The following AKAP11 variants were observed in gnomAD, a reference collection of about 807,000 sequenced individuals.
AKAP11 encodes the protein A-kinase anchoring protein 11, also known as A-kinase anchor protein 11.
A neutral mutation model predicts 146.1 loss-of-function variants in AKAP11; 36 were observed. The ratio of observed to expected loss-of-function variants is 0.25; its 90% CI spans 0.19 to 0.33. The LOEUF (loss-of-function observed/expected upper bound fraction) is 0.33. AKAP11 is among the 10% of genes least tolerant of loss of function. The pLI, the probability that AKAP11 is intolerant of heterozygous loss-of-function variation, is 1.00. For synonymous variants in AKAP11, 780 were observed against 786.5 expected (o/e 0.99, Z 0.14); for missense variants, 2,201 against 2,197.0 (o/e 1.00, Z -0.04).
intron 1 of AKAP11, among the ~76,000 whole-genome samples, chr13:42,282,719 T>C (rs1959090565): frequency 6.6e-6 from 1 of 152,230 alleles, no homozygotes; most frequent in Non-Finnish European, 1.5e-5. Flanking sequence ...TTCATTTGTT[T>C]AGTGATAGTT....
rs1317165676 is a variant in AKAP11, at chr13:42,300,509, C to T, written c.1763C>T (p.Thr588Ile). 1 of 1,613,990 alleles carries T rather than the reference C, an allele frequency of 6.2e-7. No homozygotes were observed. The highest frequency in any genetic ancestry group is 8.5e-7 in the Non-Finnish European group (1 of 1,179,990). ...NALYHLAIKL[T>I]SSVLQMAFDE... The stretch of plus-strand genomic sequence containing the variant: ...TTGTACCACTTAGCCATCAAATTGA[C>T]ATCATCTGTTTTGCAGATGGCATTT... Residue 588 changes from threonine to isoleucine, a missense_variant, in exon 8 of 13, where the codon ACA (threonine) becomes ATA (isoleucine). Thr to Ile is a moderately conservative substitution (Grantham distance 89, BLOSUM62 -1). This residue lies in a region of AKAP11 where 1,867 missense variants were observed against 1,833.5 expected (regional missense o/e 1.02). Coordinates refer to ENST00000025301, the MANE Select transcript of AKAP11 (RefSeq NM_016248.4).
intron 3 of AKAP11, among the ~76,000 whole-genome samples, chr13:42,287,924 A>G (rs1003550635): frequency 1.3e-5 from 2 of 152,206 alleles, no homozygotes; most frequent in Admixed American, 6.5e-5. Flanking sequence ...ATTTCATACT[A>G]TTATTACCAG....
chr13:42,276,592 C>T (rs150136409), intron 1 of AKAP11, among the ~76,000 whole-genome samples: 290 of 152,240 alleles, frequency 1.9e-3, no homozygotes, highest in African/African-American at 6.8e-3. Context: ...TTCCAGTTAC[C>T]TTCTAATTTG....
At chr13:42,279,255 G>T (rs1262088842) in intron 1 of AKAP11, among the ~76,000 whole-genome samples, 1 of 130,936 alleles carries the variant, frequency 7.6e-6, no homozygotes, top group African/African-American at 2.9e-5. Flanking sequence ...GTGCACGCAC[G>T]TGCACACCCA....
chr13:42,300,000 TA>T lies in AKAP11; in HGVS notation c.1257del (p.Lys419AsnfsTer19), dbSNP rs776103793. ...PANVRKPTPR[K>X]PESPYGNLCD... is the part of the protein sequence containing the mutation. ...CTAATGTTAGAAAGCCAACTCCTCG[TA>T]AACCAGAATCTCCATATGGTAACCT... is the stretch of plus-strand genomic sequence containing the variant. On this transcript the variant is annotated frameshift_variant, in exon 8 of 13. Transcript: ENST00000025301. LOFTEE classifies it high-confidence loss of function. 1.2e-6 allele frequency: 2 copies of T among 1,613,986 alleles called. No homozygotes were observed.
chr13:42,286,472 G>C, intron 3 of AKAP11, 73 bp downstream of exon 3: 2 of 1,109,598 alleles, frequency 1.8e-6, no homozygotes, highest in Non-Finnish European at 2.6e-6. Context: ...AAGTCCTACA[G>C]CTATGATGTT....
intron 11 of AKAP11, among the ~76,000 whole-genome samples, chr13:42,314,667 C>A (rs191361438): frequency 6.6e-6 from 1 of 152,136 alleles, no homozygotes; most frequent in Non-Finnish European, 1.5e-5. Flanking sequence ...GTCAAACTTA[C>A]GTGAGTCAGT....
intron 1 of AKAP11, among the ~76,000 whole-genome samples, chr13:42,279,364 A>G (rs181313084): frequency 6.6e-6 from 1 of 152,314 alleles, no homozygotes; most frequent in East Asian, 1.9e-4. Flanking sequence ...TGGTGCTTAA[A>G]AAGTCACTTA....
intron 8 of AKAP11, among the ~76,000 whole-genome samples, chr13:42,306,169 C>G (rs936587379): frequency 2.6e-5 from 4 of 152,210 alleles, no homozygotes; most frequent in African/African-American, 9.7e-5. Context: ...ATACCAGTTC[C>G]TAGTATGATA....
chr13:42,287,488 G>A (rs554006342), intron 3 of AKAP11, among the ~76,000 whole-genome samples: 6 of 152,098 alleles, frequency 3.9e-5, no homozygotes, highest in Admixed American at 2.0e-4. Flanking sequence ...GTTTCACCGT[G>A]TTAGCCAGGA....
At chr13:42,283,815 A>G (rs577989529) in intron 1 of AKAP11, among the ~76,000 whole-genome samples, 19 of 152,206 alleles carry the variant, frequency 1.2e-4, no homozygotes, top group Admixed American at 4.6e-4. Flanking sequence ...AGACTCAGAG[A>G]AAGTGATGTA....
Position 42,299,938 on chromosome 13 carries a change from C to T in AKAP11, c.1192C>T (p.Pro398Ser). Residue 398 changes from proline to serine, a missense_variant, in exon 8 of 13, where the codon CCT becomes TCT. By Grantham distance (74) the Pro-to-Ser change is moderately conservative. Coordinates refer to ENST00000025301, the MANE Select transcript of AKAP11 (RefSeq NM_016248.4). ...CAAACATGGAAAGTCATGTATGAATCCTCAAAAATTCAAGTTTGATCGTCC... is the reference window on the plus strand; with the variant it reads ...CAAACATGGAAAGTCATGTATGAATTCTCAAAAATTCAAGTTTGATCGTCC... ...GHKHGKSCMN[P>S]QKFKFDRPAL... 1 of 1,613,942 alleles carries T rather than the reference C, an allele frequency of 6.2e-7. No homozygotes were observed. Among genetic ancestry groups the T allele is most frequent in the South Asian group, 1.1e-5 (1 of 91,078 alleles).
chr13:42,283,144 C>T (rs1449509), intron 1 of AKAP11, among the ~76,000 whole-genome samples: 18,772 of 152,140 alleles, frequency 0.12, 1,306 homozygotes, highest in South Asian at 0.17. Flanking sequence ...GTCATATCAT[C>T]TCATATTGGA....
intron 12 of AKAP11, among the ~76,000 whole-genome samples, chr13:42,318,557 G>GTATT (rs139227982): frequency 0.071 from 10,749 of 152,004 alleles, 506 homozygotes; most frequent in Non-Finnish European, 0.1. Context: ...ATTTAAACCT[G>GTATT]TATTTATTTA....
chr13:42,314,896 T>C (rs1431634425), intron 11 of AKAP11, among the ~76,000 whole-genome samples: 1 of 152,188 alleles, frequency 6.6e-6, no homozygotes, highest in African/African-American at 2.4e-5. Flanking sequence ...TTAGAGTATC[T>C]GAGTTTATTC....
chr13:42,303,782 A>T lies in AKAP11; in HGVS notation c.5036A>T (p.Gln1679Leu). The T allele has an allele frequency of 6.2e-7, 1 of 1,613,726 alleles. No individual in the cohort carries two copies. Among genetic ancestry groups the T allele is most frequent in the African/African-American group, 1.3e-5 (1 of 75,044 alleles). Reference sequence around the variant, plus strand: ...CTGGCAGCCGACAGTGGGATCGGACAGGAGGGTGCCAGCTTTGCTGAAAGC... The same window carrying T: ...CTGGCAGCCGACAGTGGGATCGGACTGGAGGGTGCCAGCTTTGCTGAAAGC... ...TSLAADSGIG[Q>L]EGASFAESLA... is the part of the protein sequence containing the mutation. Residue 1679 changes from glutamine (Q) to leucine (L), a missense_variant, in exon 8 of 13, where the codon CAG becomes CTG. Gln to Leu is a moderately radical substitution (Grantham distance 113). Around this residue, in one of 3 missense-constraint regions of AKAP11, gnomAD observed 1,867 missense variants for 1,833.5 expected, o/e 1.02. Coordinates refer to ENST00000025301, the MANE Select transcript of AKAP11 (RefSeq NM_016248.4).
chr13:42,314,009 C>A, intron 11 of AKAP11, 69 bp downstream of exon 11: 2 of 1,469,058 alleles, frequency 1.4e-6, no homozygotes, highest in Non-Finnish European at 1.9e-6. Context: ...AGTCTTTATG[C>A]ATTTTCATCA....
At position 42,293,352 on chromosome 13, in the gene AKAP11, G is replaced by T. The variant is rs970955338; in HGVS notation, c.168+851G>T. Among the ~76,000 whole-genome samples, 10 of 152,240 alleles carry T rather than the reference G, an allele frequency of 6.6e-5. 1 individual carries two copies. The highest frequency in any genetic ancestry group is 2.4e-4 in the African/African-American group (10 of 41,548). On this transcript the variant is annotated intron_variant, in intron 4 of 12. Coordinates refer to ENST00000025301, the MANE Select transcript of AKAP11 (RefSeq NM_016248.4). ...AGAAGTCCAACCATCATAAGTTGGG[G>T]ACTGTATGTATTCTCTTTCGGGTGG...
chr13:42,283,942 G>A (rs189239788), intron 1 of AKAP11, among the ~76,000 whole-genome samples: 1 of 152,166 alleles, frequency 6.6e-6, no homozygotes, highest in East Asian at 1.9e-4. Flanking sequence ...AGATTGCTTC[G>A]TATTTCTATT....
Sources: gnomAD v4.1 joint callset for allele counts (sites outside exome capture counted in the v4.1 genomes callset) on GRCh38, gnomAD v4.1.1 for gene constraint, gnomAD v4.1.1 regional missense constraint, MANE v1.5 for transcripts, NCBI Gene and HGNC (gene_info 2026-07-23, HGNC 2026-07-21) for gene names.